Variants in SAMD5 observed in about 807,000 individuals in gnomAD.
The protein encoded by SAMD5 is sterile alpha motif domain containing 5.
A neutral mutation model predicts 11.3 loss-of-function variants in SAMD5; 13 were observed. The observed-to-expected ratio is 1.15, with a 90% CI of 0.75 to 1.83. SAMD5 has a LOEUF of 1.83. SAMD5 is among the 40% of genes most tolerant of loss of function. The pLI is 0.00. For missense variants in SAMD5, 255 were observed against 239.1 expected, an observed-to-expected ratio of 1.07 and a Z score of -0.44; for synonymous variants, 129 against 111.3, an observed-to-expected ratio of 1.16 and a Z score of -1.00.
chr6:147,668,549 A>G (rs1253056390), intron 1 of SAMD5, among the ~76,000 whole-genome samples: 1 of 152,230 alleles, frequency 6.6e-6, no homozygotes, highest in Non-Finnish European at 1.5e-5. Flanking sequence ...CAGTGCATGT[A>G]AAAGTTATGT....
chr6:147,549,218 A>T (rs758721841), intron 1 of SAMD5, among the ~76,000 whole-genome samples: 18 of 152,220 alleles, frequency 1.2e-4, no homozygotes, highest in Non-Finnish European at 2.2e-4. Context: ...CACCAGTTCA[A>T]ATCATCTTGG....
chr6:147,719,797 C>T (rs1015506609), intron 1 of SAMD5, among the ~76,000 whole-genome samples: 10 of 152,178 alleles, frequency 6.6e-5, no homozygotes, highest in Non-Finnish European at 1.2e-4. Context: ...ATTGTTTTAG[C>T]TTGAAACTAT....
In SAMD5 at chr6:147,568,664, T is replaced by A; in HGVS notation, c.*4208T>A. ...TAGTGACTTTATTAAATCAAATGAGTTGTGCAGAGCAGAGCAAATCTATTA... is the reference window on the plus strand; with the variant it reads ...TAGTGACTTTATTAAATCAAATGAGATGTGCAGAGCAGAGCAAATCTATTA... On this transcript the variant is annotated 3_prime_UTR_variant, in exon 2 of 2. Coordinates refer to ENST00000367474, the MANE Select transcript of SAMD5 (RefSeq NM_001030060.3). 1.0e-6 allele frequency: 1 copy of A among 985,362 alleles called. No homozygotes were observed. Among genetic ancestry groups the A allele is most frequent in the Non-Finnish European group, 1.2e-6 (1 of 829,874 alleles). The allele number at this position is 985,362 out of a possible 1,614,324, so 61.0% of individuals were successfully genotyped here.
intron 1 of SAMD5, among the ~76,000 whole-genome samples, chr6:147,642,457 A>G (rs1262199058): frequency 6.6e-6 from 1 of 152,142 alleles, no homozygotes; most frequent in African/African-American, 2.4e-5. Flanking sequence ...TGCCACTTTA[A>G]TGATACCAGT....
chr6:147,630,172 C>T (rs914924293), intron 1 of SAMD5, among the ~76,000 whole-genome samples: 1 of 152,086 alleles, frequency 6.6e-6, no homozygotes, highest in Admixed American at 6.5e-5. Context: ...TGGTCTTGAA[C>T]TCCCGACCTT....
At chr6:147,822,227 T>G in the SAMD5 span, among the ~76,000 whole-genome samples, 1 of 152,196 alleles carries the variant, frequency 6.6e-6, no homozygotes, top group Non-Finnish European at 1.5e-5. Flanking sequence ...ATTCTTACAA[T>G]GTTTAACAAT....
chr6:147,659,342 T>C (rs1790614549), intron 1 of SAMD5, among the ~76,000 whole-genome samples: 1 of 152,224 alleles, frequency 6.6e-6, no homozygotes. Context: ...TGAATTTCTT[T>C]ATCAATTGTT....
the SAMD5 span, among the ~76,000 whole-genome samples, chr6:147,886,056 C>A: frequency 1.3e-5 from 2 of 152,030 alleles, no homozygotes; most frequent in Non-Finnish European, 2.9e-5. Flanking sequence ...ATTTCTGAAC[C>A]TAGATGCAAA....
At chr6:147,800,033 A>G in the SAMD5 span, among the ~76,000 whole-genome samples, 2 of 152,116 alleles carry the variant, frequency 1.3e-5, no homozygotes. Context: ...CGTAGCTCAG[A>G]GTAATTTGAT....
At chr6:147,680,720 G>C (rs950038843) in intron 1 of SAMD5, among the ~76,000 whole-genome samples, 1 of 152,030 alleles carries the variant, frequency 6.6e-6, no homozygotes, top group Non-Finnish European at 1.5e-5. Context: ...TATTAGGAAC[G>C]GATACTGGAT....
At chr6:147,926,935 C>A in the SAMD5 span, among the ~76,000 whole-genome samples, 337 of 152,122 alleles carry the variant, frequency 2.2e-3, 6 homozygotes, top group East Asian at 0.015. Context: ...AGTGCTGTAG[C>A]CATTGCTTGT....
chr6:147,731,897 T>C (rs141249699), intron 1 of SAMD5, among the ~76,000 whole-genome samples: 206 of 152,222 alleles, frequency 1.4e-3, no homozygotes, highest in Non-Finnish European at 2.2e-3. Context: ...TGTGCACTTA[T>C]AAGTAAATGT....
chr6:147,918,729 G>A, the SAMD5 span, among the ~76,000 whole-genome samples: 25,624 of 128,994 alleles, frequency 0.2, 2,634 homozygotes, highest in Admixed American at 0.36. Context: ...ACAGAGTCTC[G>A]CTCTGTTGCC....
chr6:147,638,112 T>TCTCC (rs954371696), intron 1 of SAMD5, among the ~76,000 whole-genome samples: 11 of 152,148 alleles, frequency 7.2e-5, no homozygotes, highest in African/African-American at 2.6e-4. Context: ...TCTCTCTCTC[T>TCTCC]CTCCCTCCCT....
the SAMD5 span, among the ~76,000 whole-genome samples, chr6:147,747,262 A>G: frequency 8.5e-5 from 13 of 152,174 alleles, 1 homozygote; most frequent in South Asian, 2.1e-4. Context: ...TTGCTAGGAC[A>G]ACAGTGAAAA....
chr6:147,714,509 C>T (rs138626834), intron 1 of SAMD5, among the ~76,000 whole-genome samples: 145 of 152,190 alleles, frequency 9.5e-4, no homozygotes, highest in African/African-American at 3.3e-3. Flanking sequence ...GTCCTTCTAC[C>T]TGGAAGAGGG....
intron 1 of SAMD5, among the ~76,000 whole-genome samples, chr6:147,539,910 C>A (rs2128441908): frequency 6.6e-6 from 1 of 152,168 alleles, no homozygotes; most frequent in Admixed American, 6.5e-5. Flanking sequence ...TTAGCCACGC[C>A]AAGCAGCCAA....
At chr6:147,953,351 T>C in the SAMD5 span, 1 of 152,152 alleles carries the variant, frequency 6.6e-6, no homozygotes, top group African/African-American at 2.4e-5. Context: ...TCAGAAATTC[T>C]GTCAGGAAAA....
chr6:147,777,737 A>T, the SAMD5 span, among the ~76,000 whole-genome samples: 1 of 152,150 alleles, frequency 6.6e-6, no homozygotes, highest in South Asian at 2.1e-4. Context: ...AATTTGCTAG[A>T]TACCTCATAT....
Sources: gnomAD v4.1 joint callset for allele counts (sites outside exome capture counted in the v4.1 genomes callset) on GRCh38, gnomAD v4.1.1 for gene constraint, MANE v1.5 for transcripts, NCBI Gene and HGNC (gene_info 2026-07-23, HGNC 2026-07-21) for gene names.